The following TNIK variants were observed in gnomAD, a reference collection of about 807,000 sequenced individuals.
TNIK encodes TRAF2 and NCK interacting kinase, also known as TRAF2 and NCK-interacting protein kinase.
In TNIK, 49 loss-of-function variants were observed where a neutral mutation model predicts 191.3. That is an observed-to-expected ratio of 0.26 (90% CI 0.20 to 0.32). TNIK has a LOEUF of 0.32. Among genes scored for constraint, TNIK ranks in the 10% least tolerant of loss-of-function variants. TNIK has a pLI of 1.00. For synonymous variants in TNIK, 594 were observed against 600.9 expected, an observed-to-expected ratio of 0.99 and a Z score of 0.17; for missense variants, 1,155 against 1,702.3, an observed-to-expected ratio of 0.68 and a Z score of 5.66.
At chr3:171,333,570 G>A (rs1451712578) in intron 2 of TNIK, among the ~76,000 whole-genome samples, 4 of 112,424 alleles carry the variant, frequency 3.6e-5, no homozygotes, top group African/African-American at 1.6e-4. Context: ...AGACTCAGAT[G>A]TCTCAAAAAG....
intron 2 of TNIK, among the ~76,000 whole-genome samples, chr3:171,275,654 T>C (rs1749639095): frequency 6.6e-6 from 1 of 152,124 alleles, no homozygotes. Flanking sequence ...CCCAGCACTT[T>C]GGGAGGCCAA....
intron 26 of TNIK, chr3:171,082,782 C>A (rs528479459): frequency 1.2e-5 from 2 of 171,812 alleles, no homozygotes; most frequent in South Asian, 3.1e-4. Flanking sequence ...TCACCCCCAC[C>A]CCTATGCAGT....
intron 30 of TNIK, among the ~76,000 whole-genome samples, chr3:171,067,978 G>A (rs959147997): frequency 3.3e-5 from 5 of 152,122 alleles, no homozygotes; most frequent in African/African-American, 4.8e-5. Context: ...TAGTTATTGC[G>A]TTTCATTAGA....
intron 1 of TNIK, 111 bp downstream of exon 1, chr3:171,459,896 G>T: frequency 7.6e-7 from 1 of 1,310,148 alleles, no homozygotes; most frequent in East Asian, 2.6e-5. Context: ...CCTCCCCGAC[G>T]CATTCTCCCG....
At position 171,289,040 on chromosome 3, in the gene TNIK, G is replaced by A. The variant is rs893704873; in HGVS notation, c.124-60819C>T. 3.9e-5 allele frequency among the ~76,000 whole-genome samples: 6 copies of A among 152,288 alleles called. No individual in the cohort carries two copies. The South Asian group carries it at 6.2e-4, about 16-fold the overall frequency. Reference sequence around the variant, plus strand: ...CTGATCCAATAATTTAAATTATAATGTATATGTTCTCATTCTAAGCACACT... The same window carrying A: ...CTGATCCAATAATTTAAATTATAATATATATGTTCTCATTCTAAGCACACT... On this transcript the variant is annotated intron_variant, in intron 2 of 32. Coordinates refer to ENST00000436636, the MANE Select transcript of TNIK (RefSeq NM_015028.4).
chr3:171,344,524 C>T (rs1485212004), intron 2 of TNIK, among the ~76,000 whole-genome samples: 2 of 152,046 alleles, frequency 1.3e-5, no homozygotes, highest in Non-Finnish European at 2.9e-5. Flanking sequence ...GTATTAATAT[C>T]ACACAAGAAA....
intron 15 of TNIK, among the ~76,000 whole-genome samples, chr3:171,134,875 AGAG>A (rs1472786318): frequency 3.9e-5 from 6 of 152,230 alleles, no homozygotes; most frequent in Non-Finnish European, 7.3e-5. Context: ...GGAATGAGGA[AGAG>A]GAGAAGTAGA....
chr3:171,264,357 T>C (rs35823275), intron 2 of TNIK, among the ~76,000 whole-genome samples: 2,879 of 151,976 alleles, frequency 0.019, 42 homozygotes, highest in Middle Eastern at 0.037. Flanking sequence ...CACACATATA[T>C]ATATATTTTA....
intron 2 of TNIK, among the ~76,000 whole-genome samples, chr3:171,243,191 A>G: frequency 6.6e-6 from 1 of 152,128 alleles, no homozygotes; most frequent in Non-Finnish European, 1.5e-5. Context: ...CTCCACTTTC[A>G]GTGGAGTTGT....
At chr3:171,239,623 C>T (rs1035824192) in intron 2 of TNIK, among the ~76,000 whole-genome samples, 1 of 152,212 alleles carries the variant, frequency 6.6e-6, no homozygotes, top group African/African-American at 2.4e-5. Context: ...TCTCCCCCTC[C>T]AACAGATGTC....
chr3:171,188,893 T>C, intron 6 of TNIK, 61 bp from the exon 7 acceptor site: 1 of 1,567,130 alleles, frequency 6.4e-7, no homozygotes, highest in Non-Finnish European at 8.7e-7. Context: ...AGCGATAAAA[T>C]GAATGTGAAT....
chr3:171,166,804 T>A (rs531952197), intron 10 of TNIK, among the ~76,000 whole-genome samples: 1 of 152,242 alleles, frequency 6.6e-6, no homozygotes, highest in Admixed American at 6.5e-5. Flanking sequence ...TTAATTTGAA[T>A]TAAGAAAATC....
At chr3:171,363,713 A>T (rs1310813086) in intron 2 of TNIK, among the ~76,000 whole-genome samples, 1 of 152,188 alleles carries the variant, frequency 6.6e-6, no homozygotes, top group Non-Finnish European at 1.5e-5. Context: ...ATTTTAACAG[A>T]AGGTTAATGA....
intron 3 of TNIK, among the ~76,000 whole-genome samples, chr3:171,223,815 T>C (rs1483050497): frequency 6.6e-6 from 1 of 152,194 alleles, no homozygotes; most frequent in Non-Finnish European, 1.5e-5. Context: ...ACACTTTACT[T>C]AAGGACCAAA....
At chr3:171,110,693 A>G (rs1486540732) in intron 19 of TNIK, 21 bp downstream of exon 19, 1 of 1,565,972 alleles carries the variant, frequency 6.4e-7, no homozygotes, top group Non-Finnish European at 8.7e-7. Flanking sequence ...ATTGCCAGGT[A>G]AAGGTAAGAG....
intron 1 of TNIK, among the ~76,000 whole-genome samples, chr3:171,445,583 A>G (rs941391458): frequency 1.3e-5 from 2 of 152,158 alleles, no homozygotes; most frequent in African/African-American, 4.8e-5. Flanking sequence ...GAATCTACCA[A>G]CTGCAGAACT....
At position 171,138,194 on chromosome 3, in the gene TNIK, C is replaced by T; in HGVS notation, c.1605G>A (p.Lys535=). 1 of 1,595,930 alleles carries T rather than the reference C, an allele frequency of 6.3e-7. No homozygotes were observed. The change falls in exon 15 of 33, where the codon AAG becomes AAA. Residue 535 remains lysine, a synonymous_variant. Coordinates refer to ENST00000436636, the MANE Select transcript of TNIK (RefSeq NM_015028.4). ...GAGGCTACCCTTGCTTACTTACCTC[C>T]TTGGCCCATGCTGGCTTCTCACTAG... ...MSPSEKPAWA[K]EVEERSRLNR...
At chr3:171,134,987 G>A (rs1460507735) in intron 15 of TNIK, among the ~76,000 whole-genome samples, 1 of 152,230 alleles carries the variant, frequency 6.6e-6, no homozygotes, top group Non-Finnish European at 1.5e-5. Flanking sequence ...AGAGGTTGCA[G>A]TAGGTGGAAG....
Position 171,159,222 on chromosome 3 carries a change from G to A in TNIK, c.1017-1558C>T, listed in dbSNP as rs561850743. Among the ~76,000 whole-genome samples, 67 of 152,084 alleles carry A rather than the reference G, an allele frequency of 4.4e-4. 1 individual carries two copies. Among genetic ancestry groups the A allele is most frequent in the Admixed American group, 3.0e-3 (46 of 15,284 alleles). ...AGAGCGGGTGGAGGAGGGAAGGAGCGTTTGGGGATAGAGGTCACGAAGCCT... is the reference window on the plus strand; with the variant it reads ...AGAGCGGGTGGAGGAGGGAAGGAGCATTTGGGGATAGAGGTCACGAAGCCT... On this transcript the variant is annotated intron_variant, in intron 11 of 32. Coordinates refer to ENST00000436636, the MANE Select transcript of TNIK (RefSeq NM_015028.4). This position sits in a 1 kb window ranked among gnomAD's most constrained non-coding sequence, Gnocchi z 4.1.
Sources: gnomAD v4.1 joint callset for allele counts (sites outside exome capture counted in the v4.1 genomes callset) on GRCh38, gnomAD v4.1.1 for gene constraint, Gnocchi (gnomAD v3.1) non-coding constraint, MANE v1.5 for transcripts, NCBI Gene and HGNC (gene_info 2026-07-23, HGNC 2026-07-21) for gene names.